Variants in AGBL1 observed in about 807,000 individuals in gnomAD.
AGBL1 encodes cytosolic carboxypeptidase 4.
AGBL1 carries 130 observed loss-of-function variants against 118.9 expected under a neutral mutation model. The observed-to-expected ratio is 1.09, with a 90% CI of 0.95 to 1.26. AGBL1 has a LOEUF of 1.26. AGBL1 is among the 50% of genes most tolerant of loss of function. AGBL1 has a pLI of 0.00. For synonymous variants in AGBL1, 555 were observed against 478.9 expected, an observed-to-expected ratio of 1.16 and a Z score of -2.08; for missense variants, 1,584 against 1,298.1, an observed-to-expected ratio of 1.22 and a Z score of -3.38.
At chr15:86,773,727 T>A (rs566783294) in intron 22 of AGBL1, among the ~76,000 whole-genome samples, 1 of 152,090 alleles carries the variant, frequency 6.6e-6, no homozygotes, top group South Asian at 2.1e-4. Context: ...CAGAAGCCTG[T>A]TTCTTTAGAC....
At chr15:86,995,445 C>T (rs1014529359) in intron 24 of AGBL1, among the ~76,000 whole-genome samples, 1 of 152,074 alleles carries the variant, frequency 6.6e-6, no homozygotes, top group Non-Finnish European at 1.5e-5. Context: ...AGTTAACCAA[C>T]CTGTCCAAGT....
At chr15:86,892,415 C>T (rs1008649253) in intron 22 of AGBL1, among the ~76,000 whole-genome samples, 1 of 152,120 alleles carries the variant, frequency 6.6e-6, no homozygotes, top group Non-Finnish European at 1.5e-5. Flanking sequence ...CCAGTTCTTC[C>T]TCAGGCAGAG....
intron 23 of AGBL1, among the ~76,000 whole-genome samples, chr15:86,966,343 A>G (rs560105285): frequency 1.2e-3 from 169 of 143,352 alleles, no homozygotes; most frequent in African/African-American, 4.3e-3. Flanking sequence ...TTATTATTAT[A>G]CTTTAAGTTT....
At chr15:86,816,897 T>TAAGA (rs1378627436) in intron 22 of AGBL1, among the ~76,000 whole-genome samples, 1 of 152,148 alleles carries the variant, frequency 6.6e-6, no homozygotes, top group Non-Finnish European at 1.5e-5. Context: ...AGTCACTGTG[T>TAAGA]AAGAAAGGCA....
chr15:86,209,403 AT>A (rs2078052728), intron 5 of AGBL1, among the ~76,000 whole-genome samples: 1 of 152,084 alleles, frequency 6.6e-6, no homozygotes, highest in Non-Finnish European at 1.5e-5. Flanking sequence ...TCTGTCTAAT[AT>A]TGACAGTGGA....
chr15:86,720,304 C>T (rs1037584816), intron 22 of AGBL1, among the ~76,000 whole-genome samples: 2 of 152,160 alleles, frequency 1.3e-5, no homozygotes, highest in Non-Finnish European at 2.9e-5. Context: ...TACCCAGTTA[C>T]CAGGCTCAAA....
chr15:86,153,079 C>T (rs2077137162), intron 3 of AGBL1, among the ~76,000 whole-genome samples: 1 of 152,144 alleles, frequency 6.6e-6, no homozygotes, highest in Admixed American at 6.5e-5. Flanking sequence ...TAAATTAGTT[C>T]AACCATTGTG....
In AGBL1 at chr15:86,841,045, C is replaced by T. The variant is rs79387227; in HGVS notation, c.3159-66042C>T. The stretch of plus-strand genomic sequence containing the variant: ...CAGTAATAATTTTGAAATTTCTTCC[C>T]TACCATCAGAAGGTTCTAGGACAAG... On this transcript the variant is annotated intron_variant, in intron 22 of 22. Transcript: ENST00000614907. Among the ~76,000 whole-genome samples the T allele has an allele frequency of 8.4e-3, 1,274 of 152,290 alleles. 23 individuals are homozygous for T. Among genetic ancestry groups the T allele is most frequent in the African/African-American group, 0.029 (1,193 of 41,544 alleles).
chr15:86,676,163 C>G, intron 22 of AGBL1, among the ~76,000 whole-genome samples: 1 of 152,212 alleles, frequency 6.6e-6, no homozygotes, highest in African/African-American at 2.4e-5. Flanking sequence ...AGGAAAGATA[C>G]CTGAACACAG....
chr15:86,472,018 A>G (rs1157458737), intron 18 of AGBL1, among the ~76,000 whole-genome samples: 1 of 152,226 alleles, frequency 6.6e-6, no homozygotes, highest in Non-Finnish European at 1.5e-5. Flanking sequence ...ATGTGAAGAC[A>G]GAACCACTGA....
intron 17 of AGBL1, among the ~76,000 whole-genome samples, chr15:86,330,630 C>T (rs994398342): frequency 1.3e-5 from 2 of 152,032 alleles, no homozygotes; most frequent in Non-Finnish European, 2.9e-5. Flanking sequence ...GGTCTCTAAC[C>T]AAAATGGAAA....
At chr15:86,263,230 C>G (rs555053603) in intron 10 of AGBL1, among the ~76,000 whole-genome samples, 1 of 152,198 alleles carries the variant, frequency 6.6e-6, no homozygotes, top group Non-Finnish European at 1.5e-5. Flanking sequence ...TTTCACTGCA[C>G]CTTTTTATGT....
chr15:86,386,926 G>C (rs74027534), intron 17 of AGBL1, among the ~76,000 whole-genome samples: 5,064 of 152,198 alleles, frequency 0.033, 289 homozygotes, highest in African/African-American at 0.12. Context: ...TGATTATGTT[G>C]TTTATGTTGT....
At chr15:86,283,074 T>C (rs1419613794) in intron 16 of AGBL1, among the ~76,000 whole-genome samples, 2 of 152,314 alleles carry the variant, frequency 1.3e-5, no homozygotes, top group East Asian at 3.9e-4. Flanking sequence ...CATTCAAATA[T>C]AGCTAAAAGA....
At chr15:86,171,377 G>C (rs993306187) in intron 5 of AGBL1, among the ~76,000 whole-genome samples, 1 of 152,122 alleles carries the variant, frequency 6.6e-6, no homozygotes, top group African/African-American at 2.4e-5. Context: ...CAGGAAGAGA[G>C]AAATAAAAGT....
At position 86,765,242 on chromosome 15, in the gene AGBL1, C is replaced by A. The variant is rs144578433; in HGVS notation, c.3158+90806C>A. 6.6e-4 allele frequency among the ~76,000 whole-genome samples: 101 copies of A among 151,930 alleles called. 2 individuals are homozygous for A. In the East Asian group the frequency reaches 0.013, roughly 19 times the overall value. ...ATGTTCAGTTTCTTTGCCTTCTTCC[C>A]CTTGCAAAAAATATGCTTTTTCCAA... is the stretch of plus-strand genomic sequence containing the variant. On this transcript the variant is annotated intron_variant, in intron 22 of 22. Coordinates refer to ENST00000614907, the MANE Select transcript of AGBL1 (RefSeq NM_001386094.1).
chr15:86,172,551 C>A (rs1386670825), intron 5 of AGBL1, among the ~76,000 whole-genome samples: 6 of 152,178 alleles, frequency 3.9e-5, no homozygotes, highest in Non-Finnish European at 5.9e-5. Context: ...CTTTCATCCC[C>A]ATGAGATCAA....
intron 22 of AGBL1, among the ~76,000 whole-genome samples, chr15:86,778,452 C>T (rs917988232): frequency 1.3e-5 from 2 of 152,114 alleles, no homozygotes; most frequent in African/African-American, 2.4e-5. Context: ...CCTACAGCTT[C>T]GACTGTAAAA....
At position 86,939,406 on chromosome 15, in the gene AGBL1, C is replaced by T. The variant is rs571530156; in HGVS notation, c.3222-48581C>T. ...CAGCTTTTGGACTCTTGGACTTACA[C>T]CAATGATTTCCCAGGGGCCCTCAGG... On this transcript the variant is annotated intron_variant, in intron 23 of 24. Coordinates refer to the AGBL1 transcript ENST00000441037. Among the ~76,000 whole-genome samples the T allele has an allele frequency of 2.0e-5, 3 of 152,294 alleles. No homozygotes were observed. The South Asian group carries it at 6.2e-4, about 32-fold the overall frequency.
Sources: allele counts gnomAD v4.1 joint callset (sites outside exome capture counted in the v4.1 genomes callset), GRCh38; gene constraint gnomAD v4.1.1; transcripts MANE v1.5; gene names NCBI Gene and HGNC (gene_info 2026-07-23, HGNC 2026-07-21).